GRID2: variants seen among roughly 807,000 people sequenced by gnomAD.
GRID2 encodes the protein glutamate ionotropic receptor delta type subunit 2.
Under a neutral mutation model 114.8 loss-of-function variants are expected in GRID2, and 33 were observed. The observed-to-expected ratio is 0.29, with a 90% CI of 0.22 to 0.38. GRID2 has a LOEUF of 0.38. Ranked by LOEUF, GRID2 falls within the 10% of genes least tolerant of loss-of-function variation. GRID2 has a pLI of 1.00. For missense variants in GRID2, 1,184 were observed against 1,257.7 expected (o/e 0.94, Z 0.89); for synonymous variants, 505 against 449.9 (o/e 1.12, Z -1.55).
chr4:93,218,343 T>A lies in GRID2; in HGVS notation c.963+1432T>A, dbSNP rs139630471. Among the ~76,000 whole-genome samples the A allele has an allele frequency of 4.1e-3, 620 of 151,724 alleles. 3 individuals are homozygous for A. Among genetic ancestry groups the A allele is most frequent in the African/African-American group, 0.014 (565 of 41,368 alleles). ...GGCAAAACCCCATCTCTGAAAAAAATAATAATAATAATTAGCCAGGTGTGG... is the reference window on the plus strand; with the variant it reads ...GGCAAAACCCCATCTCTGAAAAAAAAAATAATAATAATTAGCCAGGTGTGG... On this transcript the variant is annotated intron_variant, in intron 6 of 15. Transcript: ENST00000282020.
chr4:92,478,811 A>G (rs993900697), intron 1 of GRID2, among the ~76,000 whole-genome samples: 5 of 151,970 alleles, frequency 3.3e-5, no homozygotes, highest in Non-Finnish European at 7.4e-5. Flanking sequence ...TAGAATTTCA[A>G]ATTTGTCATC....
rs565905930 is a variant in GRID2 at position 92,985,529 on chromosome 4, G to A, written c.245-99466G>A. On this transcript the variant is annotated intron_variant, in intron 2 of 15. Transcript: ENST00000282020. ...TGGGATTACAGGCGTAAGCCACCGC[G>A]TCCGGCCGGTAAAAATATTTTTTAT... Among the ~76,000 whole-genome samples the A allele has an allele frequency of 2.8e-4, 42 of 152,168 alleles. 2 individuals are homozygous for A. The South Asian group carries it at 7.9e-3, about 29-fold the overall frequency.
At chr4:92,975,156 C>CAAAAAAAAAGAAAAAAA (rs1753785764) in intron 2 of GRID2, among the ~76,000 whole-genome samples, 1 of 46,692 alleles carries the variant, frequency 2.1e-5, no homozygotes. Flanking sequence ...GATTCCGCCT[C>CAAAAAAAAAGAAAAAAA]AAAAAAAAAA....
At position 92,325,847 on chromosome 4, in the gene GRID2, T is replaced by C. The variant is rs1726564667; in HGVS notation, c.88+21103T>C. On this transcript the variant is annotated intron_variant, in intron 1 of 15. Coordinates refer to ENST00000282020, the MANE Select transcript of GRID2 (RefSeq NM_001510.4). Reference sequence around the variant, plus strand: ...AATCTCTTCAATCTATATTGTTTTCTGATTTTTAATGTTCATGTTTCAGCA... The same window carrying C: ...AATCTCTTCAATCTATATTGTTTTCCGATTTTTAATGTTCATGTTTCAGCA... 2.6e-5 allele frequency among the ~76,000 whole-genome samples: 4 copies of C among 151,972 alleles called. No individual in the cohort carries two copies. The South Asian group carries it at 8.3e-4, about 31-fold the overall frequency.
chr4:92,703,735 G>A lies in GRID2; in HGVS notation c.244+113449G>A, dbSNP rs550682227. Among the ~76,000 whole-genome samples the A allele has an allele frequency of 7.2e-4, 109 of 151,190 alleles. No homozygotes were observed. In the Middle Eastern group the frequency reaches 0.017, roughly 24 times the overall value. The stretch of plus-strand genomic sequence containing the variant: ...GCATTCCATTAATTGATAGCTATTG[G>A]TATTAAATAACAATAATTGAGAGCT... On this transcript the variant is annotated intron_variant, in intron 2 of 15. Transcript: ENST00000282020.
chr4:92,480,559 C>A (rs1231979184), intron 1 of GRID2, among the ~76,000 whole-genome samples: 1 of 152,028 alleles, frequency 6.6e-6, no homozygotes, highest in African/African-American at 2.4e-5. Flanking sequence ...TATTCTCTCA[C>A]AGGTCTCAAG....
chr4:92,453,922 G>A lies in GRID2; in HGVS notation c.89-136209G>A, dbSNP rs181883128. ...TACTGAAATCAAAATAGTGATTATG[G>A]CTCAAAGACAATATTACAAAACTGA... On this transcript the variant is annotated intron_variant, in intron 1 of 15. Transcript: ENST00000282020. Among the ~76,000 whole-genome samples, 229 of 152,122 alleles carry A rather than the reference G, an allele frequency of 1.5e-3. 1 individual carries two copies. The highest frequency in any genetic ancestry group is 5.0e-3 in the African/African-American group (209 of 41,512).
chr4:93,375,670 T>TTTA (rs1278825159), intron 8 of GRID2, among the ~76,000 whole-genome samples: 4 of 152,218 alleles, frequency 2.6e-5, no homozygotes, highest in Non-Finnish European at 5.9e-5. Flanking sequence ...AAACATGAGT[T>TTTA]ACACCTTTTT....
At chr4:92,694,711 G>A (rs1734345003) in intron 2 of GRID2, among the ~76,000 whole-genome samples, 1 of 152,108 alleles carries the variant, frequency 6.6e-6, no homozygotes, top group Admixed American at 6.5e-5. Context: ...GTACAGTCCT[G>A]TTCATAAATT....
intron 14 of GRID2, 100 bp from the exon 15 acceptor site, chr4:93,769,110 C>A (rs1382154436): frequency 1.8e-6 from 2 of 1,127,968 alleles, no homozygotes; most frequent in Non-Finnish European, 2.6e-6. Context: ...TTCCCTTTGA[C>A]AGCCACCATC....
At chr4:92,599,755 C>T (rs1477906922) in intron 2 of GRID2, among the ~76,000 whole-genome samples, 4 of 151,656 alleles carry the variant, frequency 2.6e-5, no homozygotes, top group Non-Finnish European at 5.9e-5. Flanking sequence ...GGCCATGCAC[C>T]GTGGCTCACG....
intron 8 of GRID2, among the ~76,000 whole-genome samples, chr4:93,267,495 C>A (rs937880690): frequency 2.0e-5 from 3 of 152,196 alleles, no homozygotes; most frequent in Non-Finnish European, 4.4e-5. Flanking sequence ...GATATTGGGA[C>A]CTGATGCACT....
intron 13 of GRID2, among the ~76,000 whole-genome samples, chr4:93,565,641 T>A (rs1735340375): frequency 1.3e-5 from 2 of 152,216 alleles, no homozygotes; most frequent in Non-Finnish European, 2.9e-5. Flanking sequence ...AAGCAAATTA[T>A]TCCATAAAAA....
intron 2 of GRID2, among the ~76,000 whole-genome samples, chr4:92,678,186 C>A: frequency 6.6e-6 from 1 of 151,990 alleles, no homozygotes; most frequent in East Asian, 1.9e-4. Context: ...ATTGCGATTT[C>A]CTCCCCCTGC....
intron 14 of GRID2, among the ~76,000 whole-genome samples, chr4:93,682,546 G>A (rs1454086474): frequency 1.3e-5 from 2 of 152,038 alleles, no homozygotes; most frequent in Non-Finnish European, 2.9e-5. Flanking sequence ...GTCCAACAAT[G>A]ATAGACTGGA....
chr4:93,329,692 C>G (rs1758227041), intron 8 of GRID2, among the ~76,000 whole-genome samples: 1 of 152,114 alleles, frequency 6.6e-6, no homozygotes, highest in Admixed American at 6.6e-5. Context: ...ACAGTTAAAT[C>G]TCAAGAGGAT....
chr4:92,394,816 AC>A (rs1730416461), intron 1 of GRID2, among the ~76,000 whole-genome samples: 1 of 151,582 alleles, frequency 6.6e-6, no homozygotes, highest in Admixed American at 6.6e-5. Context: ...AGATCTGTAT[AC>A]TTTTTTCCTA....
intron 12 of GRID2, among the ~76,000 whole-genome samples, chr4:93,501,432 A>G (rs1728096982): frequency 6.6e-6 from 1 of 152,026 alleles, no homozygotes; most frequent in African/African-American, 2.4e-5. Flanking sequence ...ACAGAATTGT[A>G]TAGGCTTAAC....
At chr4:93,315,914 C>G (rs924853263) in intron 8 of GRID2, among the ~76,000 whole-genome samples, 1 of 152,134 alleles carries the variant, frequency 6.6e-6, no homozygotes, top group Non-Finnish European at 1.5e-5. Context: ...GACATACCCA[C>G]TAGTAACTAC....
Sources: allele counts gnomAD v4.1 joint callset (sites outside exome capture counted in the v4.1 genomes callset), GRCh38; gene constraint gnomAD v4.1.1; transcripts MANE v1.5; gene names NCBI Gene and HGNC (gene_info 2026-07-23, HGNC 2026-07-21).